Variants in IPO7 observed in about 807,000 individuals in gnomAD.
IPO7 encodes the protein importin 7.
Under a neutral mutation model 136.4 loss-of-function variants are expected in IPO7, and 13 were observed. That is an observed-to-expected ratio of 0.10 (90% CI 0.06 to 0.15). IPO7 has a LOEUF of 0.15. Among genes scored for constraint, IPO7 ranks in the 10% least tolerant of loss-of-function variants. The probability of loss-of-function intolerance (pLI) is 1.00; values close to 1 mark genes in which losing one functional copy is unlikely to be tolerated. For missense variants in IPO7, 857 were observed against 1,240.6 expected (o/e 0.69, Z 4.65); for synonymous variants, 403 against 404.4 (o/e 1.00, Z 0.04).
intron 24 of IPO7, among the ~76,000 whole-genome samples, chr11:9,444,725 CT>C (rs1376765775): frequency 2.0e-5 from 3 of 150,610 alleles, no homozygotes; most frequent in East Asian, 4.0e-4. Flanking sequence ...GTCCCAGCTA[CT>C]TGGGAGGCTA....
At chr11:9,428,757 A>G (rs550844250) in intron 13 of IPO7, 128 bp downstream of exon 13, 6 of 792,014 alleles carry the variant, frequency 7.6e-6, no homozygotes, top group Non-Finnish European at 1.4e-5. Flanking sequence ...TGTTTAATGT[A>G]AATCTTTACA....
intron 24 of IPO7, among the ~76,000 whole-genome samples, chr11:9,442,622 C>A (rs916891837): frequency 2.0e-5 from 3 of 152,088 alleles, no homozygotes; most frequent in Non-Finnish European, 4.4e-5. Context: ...ACTGTGTTAG[C>A]CAGGATGGTA....
chr11:9,397,341 A>AAAAATATAT lies in IPO7; in HGVS notation c.85-5948_85-5947insAAATATATA. Among the ~76,000 whole-genome samples the AAAAATATAT allele has an allele frequency of 5.9e-3, 63 of 10,754 alleles. 4 individuals carry two copies. The highest frequency in any genetic ancestry group is 8.2e-3 in the Non-Finnish European group (45 of 5,458). 7.1% of individuals were successfully genotyped at this position (10,754 alleles called of 152,430 possible). A position where few individuals can be genotyped will look rare whatever the true frequency, so the allele number is the denominator to read the frequency against. ...CTTTACTAAAAATAATTTAAAAAAAAATATATATATATATATATATATATT... is the reference window on the plus strand; with the variant it reads ...CTTTACTAAAAATAATTTAAAAAAAAAAAATATATATATATATATATATATATATATATT... On this transcript the variant is annotated intron_variant, in intron 1 of 24. Coordinates refer to ENST00000379719, the MANE Select transcript of IPO7 (RefSeq NM_006391.3).
At chr11:9,386,641 G>A (rs1854555358) in intron 1 of IPO7, among the ~76,000 whole-genome samples, 1 of 152,116 alleles carries the variant, frequency 6.6e-6, no homozygotes, top group Non-Finnish European at 1.5e-5. Flanking sequence ...CTGAAAATCT[G>A]AAATTCATTT....
chr11:9,425,860 C>T (rs921297454), intron 12 of IPO7, among the ~76,000 whole-genome samples: 23 of 144,498 alleles, frequency 1.6e-4, no homozygotes, highest in Admixed American at 6.4e-4. Flanking sequence ...GCCTGGGCGA[C>T]AGAGTGAGAC....
chr11:9,441,141 A>T (rs973906090), intron 23 of IPO7, among the ~76,000 whole-genome samples: 2 of 152,216 alleles, frequency 1.3e-5, no homozygotes, highest in Non-Finnish European at 2.9e-5. Flanking sequence ...TATTATTACT[A>T]AATTAGCACT....
At chr11:9,409,353 C>A (rs1228016459) in intron 3 of IPO7, among the ~76,000 whole-genome samples, 5 of 152,150 alleles carry the variant, frequency 3.3e-5, no homozygotes, top group Admixed American at 6.5e-5. Flanking sequence ...AAGTGATCCA[C>A]CTGCCTAGGC....
intron 4 of IPO7, 40 bp downstream of exon 4, chr11:9,410,126 A>AG: frequency 7.2e-7 from 1 of 1,382,310 alleles, no homozygotes; most frequent in Non-Finnish European, 9.5e-7. Flanking sequence ...TTTGAGAAGT[A>AG]GGAAAAGTTG....
At chr11:9,444,960 C>T in intron 24 of IPO7, 137 bp from the exon 25 acceptor site, 1 of 623,148 alleles carries the variant, frequency 1.6e-6, no homozygotes, top group Non-Finnish European at 2.9e-6. Context: ...TGCCCTTATA[C>T]ATTGGAGAAA....
intron 12 of IPO7, 130 bp downstream of exon 12, chr11:9,425,392 A>T: frequency 3.1e-6 from 2 of 648,152 alleles, no homozygotes; most frequent in Non-Finnish European, 5.5e-6. Flanking sequence ...AGATTGCCTG[A>T]GCCCAGGAGT....
In IPO7 at chr11:9,420,579, A is replaced by G. The variant is rs567287268; in HGVS notation, c.822-35A>G. 7.7e-5 allele frequency: 121 copies of G among 1,571,872 alleles called. No individual in the cohort carries two copies. In the South Asian group the frequency reaches 1.3e-3, roughly 16 times the overall value. On this transcript the variant is annotated intron_variant, in intron 7 of 24. Coordinates refer to ENST00000379719, the MANE Select transcript of IPO7 (RefSeq NM_006391.3). ...CTTTAAAGTGCTAGCATAAAGCATT[A>G]TAAAGAAACAATGGGCATTTTGATG...
At chr11:9,424,226 A>T (rs571327203) in intron 10 of IPO7, among the ~76,000 whole-genome samples, 1 of 152,222 alleles carries the variant, frequency 6.6e-6, no homozygotes, top group Non-Finnish European at 1.5e-5. Context: ...CTGGTGTCAC[A>T]TGAAGTCCTT....
Position 9,384,710 on chromosome 11 carries a change from C to T in IPO7, c.-54C>T. Reference sequence around the variant, plus strand: ...GGGTCCATGTGCGCAGTGAGTGGCGCTATTCCTGGCCCAGTAGCACCCGAG... The same window carrying T: ...GGGTCCATGTGCGCAGTGAGTGGCGTTATTCCTGGCCCAGTAGCACCCGAG... On this transcript the variant is annotated 5_prime_UTR_variant, in exon 1 of 25. Transcript: ENST00000379719. 1 of 1,440,970 alleles carries T rather than the reference C, an allele frequency of 6.9e-7. No individual in the cohort carries two copies. The highest frequency in any genetic ancestry group is 1.2e-5 in the South Asian group (1 of 81,254). The allele number at this position is 1,440,970 out of a possible 1,614,324, so 89.3% of individuals were successfully genotyped here. A position where few individuals can be genotyped will look rare whatever the true frequency, so the allele number is the denominator to read the frequency against.
chr11:9,407,654 T>C (rs758952566), intron 2 of IPO7, among the ~76,000 whole-genome samples: 1 of 152,240 alleles, frequency 6.6e-6, no homozygotes, highest in Non-Finnish European at 1.5e-5. Context: ...CAAACTAGAA[T>C]ATAAAAATCC....
In IPO7 at chr11:9,422,720, G is replaced by T. The variant is rs546875838; in HGVS notation, c.907-286G>T. On this transcript the variant is annotated intron_variant, in intron 8 of 24. Coordinates refer to ENST00000379719, the MANE Select transcript of IPO7 (RefSeq NM_006391.3). ...CCCAGCACTTTGGGAGGCTGAGATG[G>T]GAGAATCGCTTGAGGCCAGGAGTTA... is the stretch of plus-strand genomic sequence containing the variant. Among the ~76,000 whole-genome samples, 5 of 152,190 alleles carry T rather than the reference G, an allele frequency of 3.3e-5. No individual in the cohort carries two copies. In the South Asian group the frequency reaches 1.0e-3, roughly 32 times the overall value.
chr11:9,408,706 T>G (rs1462997892), intron 3 of IPO7, 67 bp downstream of exon 3: 33 of 374,428 alleles, frequency 8.8e-5, no homozygotes, highest in South Asian at 2.6e-4. Context: ...GTTTTTTGGT[T>G]TTTTTTTTTT....
Position 9,387,912 on chromosome 11 carries a change from C to T in IPO7, c.84+3065C>T, listed in dbSNP as rs1000451820. Among the ~76,000 whole-genome samples the T allele has an allele frequency of 4.0e-5, 6 of 151,090 alleles. No individual in the cohort carries two copies. The South Asian group carries it at 1.3e-3, about 31-fold the overall frequency. Reference sequence around the variant, plus strand: ...CCTGGAATTCCAGCACTTTGGGAGTCCGAGGCGGGCGGATCACCTGAGGTT... The same window carrying T: ...CCTGGAATTCCAGCACTTTGGGAGTTCGAGGCGGGCGGATCACCTGAGGTT... On this transcript the variant is annotated intron_variant, in intron 1 of 24. Transcript: ENST00000379719.
intron 14 of IPO7, 53 bp downstream of exon 14, chr11:9,429,249 T>G: frequency 1.4e-6 from 2 of 1,442,730 alleles, no homozygotes; most frequent in Non-Finnish European, 1.9e-6. Flanking sequence ...GTGCGGTAGG[T>G]CACACCTGTA....
chr11:9,431,763 C>T (rs940528250), intron 16 of IPO7, among the ~76,000 whole-genome samples: 1 of 152,110 alleles, frequency 6.6e-6, no homozygotes, highest in Non-Finnish European at 1.5e-5. Flanking sequence ...CACCTGAGGT[C>T]AGGAGTTCGA....
Sources: gnomAD v4.1 joint callset for allele counts (sites outside exome capture counted in the v4.1 genomes callset) on GRCh38, gnomAD v4.1.1 for gene constraint, MANE v1.5 for transcripts, NCBI Gene and HGNC (gene_info 2026-07-23, HGNC 2026-07-21) for gene names.